FAAH2: variants seen among roughly 807,000 people sequenced by gnomAD.
FAAH2 encodes the protein fatty acid amide hydrolase 2.
FAAH2 carries 60 observed loss-of-function variants against 36.9 expected under a neutral mutation model. The observed-to-expected ratio is 1.63, with a 90% CI of 1.32 to 2.02. FAAH2 has a LOEUF of 2.02. Ranked by LOEUF, FAAH2 falls within the 30% of genes most tolerant of loss-of-function variation. The pLI, the probability that FAAH2 is intolerant of heterozygous loss-of-function variation, is 0.00. For synonymous variants in FAAH2, 214 were observed against 143.8 expected (o/e 1.49, Z -3.49); for missense variants, 689 against 397.5 (o/e 1.73, Z -6.23).
chrX:57,189,535 G>T, the FAAH2 span, among the ~76,000 whole-genome samples: 1 of 109,624 alleles, frequency 9.1e-6, no homozygotes, highest in African/African-American at 3.3e-5. Context: ...TCTACCTTTG[G>T]TCTTTCAAGC....
At chrX:57,309,281 C>T (rs1293506629) in intron 2 of FAAH2, among the ~76,000 whole-genome samples, 2 of 111,375 alleles carry the variant, frequency 1.8e-5, no homozygotes, top group Non-Finnish European at 3.8e-5. Context: ...AAAAAATTAC[C>T]TATAATCATA....
chrX:57,331,195 T>C (rs1374648107), intron 3 of FAAH2, among the ~76,000 whole-genome samples: 2 of 111,757 alleles, frequency 1.8e-5, no homozygotes, highest in Non-Finnish European at 3.8e-5. Context: ...CTACCACTTC[T>C]CTGAGCACCT....
chrX:57,208,500 G>A, the FAAH2 span, among the ~76,000 whole-genome samples: 1 of 111,752 alleles, frequency 8.9e-6, no homozygotes, highest in Non-Finnish European at 1.9e-5. Context: ...CATCGCTCTG[G>A]CAACCCTTCA....
the FAAH2 span, among the ~76,000 whole-genome samples, chrX:57,151,323 G>A: frequency 8.9e-6 from 1 of 111,875 alleles, no homozygotes; most frequent in Admixed American, 9.5e-5. Flanking sequence ...GCTAGATTGG[G>A]GAAGTTCTCC....
At chrX:57,424,664 T>A (rs1475255595) in intron 7 of FAAH2, among the ~76,000 whole-genome samples, 1 of 111,975 alleles carries the variant, frequency 8.9e-6, no homozygotes, top group Non-Finnish European at 1.9e-5. Context: ...CTAAAAACAC[T>A]TAGAAGCAAA....
At chrX:57,190,755 A>T in the FAAH2 span, among the ~76,000 whole-genome samples, 86 of 109,415 alleles carry the variant, frequency 7.9e-4, no homozygotes, top group Non-Finnish European at 1.5e-3. Context: ...AATGAGATAA[A>T]CAGTATACCT....
intron 10 of FAAH2, among the ~76,000 whole-genome samples, chrX:57,466,999 C>T (rs1181787551): frequency 9.0e-6 from 1 of 110,913 alleles, no homozygotes; most frequent in Non-Finnish European, 1.9e-5. Context: ...AACAAGCTCT[C>T]CAGAGGTGGT....
chrX:57,426,586 A>G (rs984657124), intron 7 of FAAH2, among the ~76,000 whole-genome samples: 1 of 112,122 alleles, frequency 8.9e-6, no homozygotes, highest in Non-Finnish European at 1.9e-5. Flanking sequence ...CTAGAAATCA[A>G]TTCCAAAAGG....
chrX:57,327,574 T>C (rs1270596760), intron 3 of FAAH2, among the ~76,000 whole-genome samples: 1 of 111,281 alleles, frequency 9.0e-6, no homozygotes, highest in Non-Finnish European at 1.9e-5. Flanking sequence ...CTCTTCTCAC[T>C]TCATTTCATT....
At chrX:57,271,463 T>A in the FAAH2 span, among the ~76,000 whole-genome samples, 1 of 112,349 alleles carries the variant, frequency 8.9e-6, no homozygotes. Flanking sequence ...CCGTGTGTAC[T>A]GACTAGGAGA....
intron 5 of FAAH2, among the ~76,000 whole-genome samples, chrX:57,362,887 G>A (rs758113169): frequency 3.6e-5 from 4 of 111,700 alleles, no homozygotes; most frequent in Non-Finnish European, 7.5e-5. Context: ...GGTTGTTATA[G>A]ATTTGAAGCT....
chrX:57,178,606 T>G, the FAAH2 span, among the ~76,000 whole-genome samples: 4 of 111,724 alleles, frequency 3.6e-5, no homozygotes, highest in Admixed American at 2.9e-4. Context: ...TCTGGCTCCT[T>G]ACATGTGGGT....
At chrX:57,210,637 C>A in the FAAH2 span, among the ~76,000 whole-genome samples, 1 of 112,389 alleles carries the variant, frequency 8.9e-6, no homozygotes, top group Non-Finnish European at 1.9e-5. Context: ...AAAGAACTTA[C>A]AGTTAGCATA....
chrX:57,202,844 A>T, the FAAH2 span, among the ~76,000 whole-genome samples: 1 of 111,708 alleles, frequency 9.0e-6, no homozygotes, highest in African/African-American at 3.3e-5. Flanking sequence ...CTGGCACTCA[A>T]ACCAGAAGAC....
intron 8 of FAAH2, among the ~76,000 whole-genome samples, chrX:57,439,563 C>G (rs1401297999): frequency 1.8e-5 from 2 of 111,429 alleles, no homozygotes; most frequent in African/African-American, 6.5e-5. Flanking sequence ...CCTGTTCACT[C>G]TGATGGTAGT....
intron 5 of FAAH2, among the ~76,000 whole-genome samples, chrX:57,350,559 T>C (rs973405378): frequency 1.4e-4 from 16 of 110,714 alleles, no homozygotes; most frequent in African/African-American, 5.2e-4. Context: ...ACTTAAAAAA[T>C]ACAGATTGAC....
At chrX:57,310,449 A>G in intron 2 of FAAH2, 144 bp from the exon 3 acceptor site, 2 of 589,994 alleles carry the variant, frequency 3.4e-6, no homozygotes, top group Non-Finnish European at 4.8e-6. Context: ...ACTGGCTCAA[A>G]TGGTCAGCTT....
chrX:57,271,143 T>C, the FAAH2 span, among the ~76,000 whole-genome samples: 1 of 112,260 alleles, frequency 8.9e-6, no homozygotes, highest in Non-Finnish European at 1.9e-5. Context: ...TCAAGCTTGG[T>C]GGAGGGAGGG....
the FAAH2 span, among the ~76,000 whole-genome samples, chrX:57,236,847 C>A: frequency 9.0e-6 from 1 of 111,216 alleles, no homozygotes; most frequent in Non-Finnish European, 1.9e-5. Flanking sequence ...TGTACAGAAG[C>A]TTTTTAGTTC....
Sources: allele counts gnomAD v4.1 joint callset (sites outside exome capture counted in the v4.1 genomes callset), GRCh38; gene constraint gnomAD v4.1.1; transcripts MANE v1.5; gene names NCBI Gene and HGNC (gene_info 2026-07-23, HGNC 2026-07-21).